Variants in NFILZ observed in about 807,000 individuals in gnomAD.
NFILZ encodes NFIL3 like basic leucine zipper.
intron 3 of NFILZ, among the ~76,000 whole-genome samples, chr19:8,661,100 C>CTCCTTCCT (rs1555749063): frequency 1.6e-5 from 1 of 61,274 alleles, no homozygotes; most frequent in Admixed American, 1.8e-4. Context: ...CCCTCCCTTC[C>CTCCTTCCT]TCCTTCCTTC....
intron 1 of NFILZ, among the ~76,000 whole-genome samples, chr19:8,632,096 T>C (rs1600136125): frequency 1.3e-5 from 2 of 152,228 alleles, no homozygotes; most frequent in South Asian, 4.1e-4. Context: ...CTCGAACTCC[T>C]GACCTCAGGT....
intron 3 of NFILZ, among the ~76,000 whole-genome samples, chr19:8,647,574 G>C (rs2042944098): frequency 7.2e-6 from 1 of 138,782 alleles, no homozygotes; most frequent in Admixed American, 7.2e-5. Flanking sequence ...TTCTGTCCCC[G>C]CACCCCCCCC....
chr19:8,675,844 A>G (rs1269668924), intron 4 of NFILZ, among the ~76,000 whole-genome samples: 1 of 152,216 alleles, frequency 6.6e-6, no homozygotes, highest in Non-Finnish European at 1.5e-5. Context: ...GGATTTGTAG[A>G]AGAGTGACTG....
rs2043124432 is a variant in NFILZ, at chr19:8,678,118, C to T, written c.*483C>T. 6.8e-6 allele frequency among the ~76,000 whole-genome samples: 1 copy of T among 147,712 alleles called. No individual in the cohort carries two copies. The highest frequency in any genetic ancestry group is 1.5e-5 in the Non-Finnish European group (1 of 66,556). On this transcript the variant is annotated 3_prime_UTR_variant, in exon 6 of 6. Coordinates refer to ENST00000691075, the MANE Select transcript of NFILZ (RefSeq NM_001378600.1). ...CCATCCATCCATCCATCCATCCATC[C>T]ATCCATCCCTCCATCCATTCATCCA...
chr19:8,640,730 C>G (rs1167156667), intron 3 of NFILZ, among the ~76,000 whole-genome samples: 1 of 152,150 alleles, frequency 6.6e-6, no homozygotes, highest in Non-Finnish European at 1.5e-5. Flanking sequence ...ACTCTTCTCA[C>G]AGTTTCTGTA....
chr19:8,662,504 G>A (rs557465452), intron 3 of NFILZ, among the ~76,000 whole-genome samples: 122 of 152,292 alleles, frequency 8.0e-4, no homozygotes, highest in African/African-American at 2.8e-3. Flanking sequence ...GAGGAACACG[G>A]AGGAGGCCCA....
At chr19:8,634,683 C>T (rs1429785823) in intron 2 of NFILZ, among the ~76,000 whole-genome samples, 2 of 151,838 alleles carry the variant, frequency 1.3e-5, no homozygotes, top group Admixed American at 6.6e-5. Flanking sequence ...GGAGATCAGT[C>T]TGGGCAACAC....
chr19:8,640,417 A>G (rs1275589223), intron 3 of NFILZ, among the ~76,000 whole-genome samples: 1 of 149,804 alleles, frequency 6.7e-6, no homozygotes. Flanking sequence ...CACTTGTTGC[A>G]TAACACAGCA....
chr19:8,647,553 C>T (rs1416076373), intron 3 of NFILZ, among the ~76,000 whole-genome samples: 6 of 147,136 alleles, frequency 4.1e-5, no homozygotes, highest in Non-Finnish European at 7.5e-5. Flanking sequence ...GCCTGGGGGA[C>T]AAGAAGGACA....
rs1318264787 is a variant in NFILZ, at chr19:8,635,448, C to G, written c.-260-202C>G. Among the ~76,000 whole-genome samples the G allele has an allele frequency of 3.9e-5, 6 of 152,196 alleles. No individual in the cohort carries two copies. The East Asian group carries it at 5.8e-4, about 15-fold the overall frequency. On this transcript the variant is annotated intron_variant, in intron 2 of 5. Transcript: ENST00000691075. ...CCCCTGGCCCCTGCTGACTTCCTCT[C>G]TGTTGCTATATTTCTGCCTTTTCCC...
Position 8,680,348 on chromosome 19 carries a change from T to C in NFILZ, c.*2713T>C, listed in dbSNP as rs1555751330. 2.6e-5 allele frequency among the ~76,000 whole-genome samples: 4 copies of C among 152,176 alleles called. No individual in the cohort carries two copies. The highest frequency in any genetic ancestry group is 9.7e-5 in the African/African-American group (4 of 41,442). On this transcript the variant is annotated 3_prime_UTR_variant, in exon 6 of 6. Coordinates refer to ENST00000691075, the MANE Select transcript of NFILZ (RefSeq NM_001378600.1). Reference sequence around the variant, plus strand: ...ATTCATTTTTTAATTCATTTGCTTATTTAGCAAATTTTCTTGATCATAAGT... The same window carrying C: ...ATTCATTTTTTAATTCATTTGCTTACTTAGCAAATTTTCTTGATCATAAGT...
intron 3 of NFILZ, among the ~76,000 whole-genome samples, chr19:8,649,561 C>T (rs980164310): frequency 2.0e-5 from 3 of 151,964 alleles, no homozygotes; most frequent in Middle Eastern, 3.4e-3. Context: ...GCTACCGTGC[C>T]CGGCATAATT....
intron 3 of NFILZ, among the ~76,000 whole-genome samples, chr19:8,641,181 C>CG (rs567527705): frequency 1.1e-4 from 16 of 152,136 alleles, no homozygotes; most frequent in Non-Finnish European, 1.9e-4. Flanking sequence ...TCCCGCGTAG[C>CG]TGGGACTACT....
intron 2 of NFILZ, 83 bp from the exon 3 acceptor site, chr19:8,635,567 G>A (rs1340306381): frequency 6.6e-6 from 1 of 152,130 alleles, no homozygotes; most frequent in Non-Finnish European, 1.5e-5. Flanking sequence ...TCACGTTGTT[G>A]GGTGTAGCAT....
At chr19:8,673,867 G>T (rs532715265) in intron 3 of NFILZ, among the ~76,000 whole-genome samples, 67 of 152,264 alleles carry the variant, frequency 4.4e-4, no homozygotes, top group Non-Finnish European at 8.8e-5. Flanking sequence ...TTGAGATGGA[G>T]TCTTGCTCTG....
intron 3 of NFILZ, among the ~76,000 whole-genome samples, chr19:8,649,547 G>A (rs1024566334): frequency 1.3e-5 from 2 of 152,006 alleles, no homozygotes; most frequent in Non-Finnish European, 1.5e-5. Context: ...GATTACAGGC[G>A]TGAGCTACCG....
At chr19:8,646,148 T>TGC (rs2042938445) in intron 3 of NFILZ, among the ~76,000 whole-genome samples, 1 of 152,102 alleles carries the variant, frequency 6.6e-6, no homozygotes, top group Non-Finnish European at 1.5e-5. Context: ...GTGATTCTCC[T>TGC]GCTTCAGCCT....
chr19:8,660,841 T>A (rs1461974876), intron 3 of NFILZ, among the ~76,000 whole-genome samples: 3 of 151,682 alleles, frequency 2.0e-5, no homozygotes, highest in Admixed American at 2.0e-4. Flanking sequence ...GGTTTCATCA[T>A]GTTGGCCAGG....
At chr19:8,675,272 C>T (rs2043105543) in intron 4 of NFILZ, among the ~76,000 whole-genome samples, 1 of 152,162 alleles carries the variant, frequency 6.6e-6, no homozygotes, top group Non-Finnish European at 1.5e-5. Flanking sequence ...TTCCGCCTTG[C>T]TGTGGTTTTT....
Sources: gnomAD v4.1 joint callset for allele counts (sites outside exome capture counted in the v4.1 genomes callset) on GRCh38, gnomAD v4.1.1 for gene constraint, MANE v1.5 for transcripts, NCBI Gene and HGNC (gene_info 2026-07-23, HGNC 2026-07-21) for gene names.